The following PALM2AKAP2 variants were observed in gnomAD, a reference collection of about 807,000 sequenced individuals.
PALM2AKAP2 encodes PALM2-AKAP2 fusion protein.
In PALM2AKAP2, 37 loss-of-function variants were observed where a neutral mutation model predicts 71.5. That is an observed-to-expected ratio of 0.52 (90% CI 0.40 to 0.68). The LOEUF (loss-of-function observed/expected upper bound fraction) is 0.68. PALM2AKAP2 is among the 30% of genes least tolerant of loss of function. The probability of loss-of-function intolerance (pLI) is 0.00; values close to 1 mark genes in which losing one functional copy is unlikely to be tolerated. For synonymous variants in PALM2AKAP2, 468 were observed against 478.8 expected, an observed-to-expected ratio of 0.98 and a Z score of 0.29; for missense variants, 1,224 against 1,191.8, an observed-to-expected ratio of 1.03 and a Z score of -0.40.
chr9:109,964,805 T>C (rs896896516), intron 6 of PALM2AKAP2, among the ~76,000 whole-genome samples: 4 of 152,226 alleles, frequency 2.6e-5, no homozygotes, highest in Non-Finnish European at 5.9e-5. Context: ...TCTCAGGCCA[T>C]GGAGCTTCCC....
intron 3 of PALM2AKAP2, among the ~76,000 whole-genome samples, chr9:109,881,797 C>T (rs1019520701): frequency 6.6e-6 from 1 of 151,522 alleles, no homozygotes; most frequent in African/African-American, 2.4e-5. Context: ...CCAAATCTGT[C>T]CCTCCAACCC....
intron 1 of PALM2AKAP2, among the ~76,000 whole-genome samples, chr9:109,841,397 A>G (rs1263546607): frequency 2.0e-5 from 3 of 148,496 alleles, no homozygotes; most frequent in Non-Finnish European, 4.5e-5. Context: ...GGATAGCATT[A>G]GGAGATATAC....
intron 1 of PALM2AKAP2, among the ~76,000 whole-genome samples, chr9:109,800,034 C>T (rs570045503): frequency 1.5e-4 from 23 of 152,246 alleles, no homozygotes; most frequent in African/African-American, 5.1e-4. Flanking sequence ...CAGAGCCACT[C>T]GGATTCCCTA....
At chr9:109,722,665 G>A (rs571420974) in intron 1 of PALM2AKAP2, among the ~76,000 whole-genome samples, 3 of 152,206 alleles carry the variant, frequency 2.0e-5, no homozygotes, top group South Asian at 2.1e-4. Flanking sequence ...CCAGCTTTTC[G>A]TGAGGCTGAG....
At chr9:109,663,246 G>C (rs1827428560) in intron 1 of PALM2AKAP2, among the ~76,000 whole-genome samples, 1 of 151,778 alleles carries the variant, frequency 6.6e-6, no homozygotes, top group South Asian at 2.1e-4. Context: ...GAATGTGTTT[G>C]CTTGCTTCTC....
In PALM2AKAP2 at chr9:109,854,763, C is replaced by CTTTTTTTT. The variant is rs34401582; in HGVS notation, c.46-12708_46-12701dup. Among the ~76,000 whole-genome samples, 82 of 66,182 alleles carry CTTTTTTTT rather than the reference C, an allele frequency of 1.2e-3. 10 individuals carry two copies. The highest frequency in any genetic ancestry group is 4.0e-3 in the African/African-American group (64 of 16,174). 43.4% of individuals were successfully genotyped at this position (66,182 alleles called of 152,430 possible). A position where few individuals can be genotyped will look rare whatever the true frequency, so the allele number is the denominator to read the frequency against. ...GTAGTCAGTTTTTAAAAGAATGTAT[C>CTTTTTTTT]TTTTTTTTTTTTTTTTTTTTTTTTT... On this transcript the variant is annotated intron_variant, in intron 1 of 9. Transcript: ENST00000302798.
At chr9:109,783,777 AG>A (rs1826886074) in intron 1 of PALM2AKAP2, among the ~76,000 whole-genome samples, 1 of 152,220 alleles carries the variant, frequency 6.6e-6, no homozygotes, top group Non-Finnish European at 1.5e-5. Context: ...AACACTGAAA[AG>A]TTGGTGTCCC....
At position 110,014,804 on chromosome 9, in the gene PALM2AKAP2, ATGTAT is replaced by A. The variant is rs1387088924; in HGVS notation, c.497-1149_497-1145del. Among the ~76,000 whole-genome samples, 32 of 4,278 alleles carry A rather than the reference ATGTAT, an allele frequency of 7.5e-3. 3 individuals carry two copies. The highest frequency in any genetic ancestry group is 0.015 in the Non-Finnish European group (25 of 1,716). The allele number at this position is 4,278 out of a possible 152,430, so 2.8% of individuals were successfully genotyped here. ...CAAAAAAAAAAAAAAAAAAAAAAAAATGTATATATATATATATATATATATATATA... is the reference window on the plus strand; with the variant it reads ...CAAAAAAAAAAAAAAAAAAAAAAAAAATATATATATATATATATATATATA... On this transcript the variant is annotated intron_variant, in intron 6 of 9. Coordinates refer to the PALM2AKAP2 transcript ENST00000302798.
rs886378632 is a variant in PALM2AKAP2, at chr9:110,154,927, G to A, written c.2570-1392G>A. Among the ~76,000 whole-genome samples, 7 of 152,272 alleles carry A rather than the reference G, an allele frequency of 4.6e-5. No individual in the cohort carries two copies. The East Asian group carries it at 1.3e-3, about 29-fold the overall frequency. On this transcript the variant is annotated intron_variant, in intron 2 of 3. Coordinates refer to ENST00000374525, the Ensembl canonical transcript of PALM2AKAP2. ...CCAAAATTCCCATTTAACCGCTATG[G>A]CAGTTAAAGCTAGGAGAATTTAAGT...
chr9:110,089,901 G>A lies in PALM2AKAP2; in HGVS notation c.156+41046G>A, dbSNP rs550707657. On this transcript the variant is annotated intron_variant, in intron 1 of 3. Transcript: ENST00000374525. ...TGATGTTTACATTATAAGTCATCAT[G>A]ACTTTAAAAGATGAAAACTAAAACA... 4.6e-5 allele frequency among the ~76,000 whole-genome samples: 7 copies of A among 152,238 alleles called. 1 individual carries two copies. In the South Asian group the frequency reaches 1.4e-3, roughly 32 times the overall value.
At chr9:109,722,438 G>A (rs183911743) in intron 1 of PALM2AKAP2, among the ~76,000 whole-genome samples, 75 of 152,260 alleles carry the variant, frequency 4.9e-4, no homozygotes, top group African/African-American at 1.8e-3. Flanking sequence ...ATGCTATGGG[G>A]ACTTTTGATT....
chr9:109,985,446 C>T (rs1475030135), intron 6 of PALM2AKAP2, among the ~76,000 whole-genome samples: 2 of 151,436 alleles, frequency 1.3e-5, no homozygotes, highest in East Asian at 2.0e-4. Context: ...AGTGAAACCC[C>T]GTCTCTACTA....
At chr9:110,152,358 G>A (rs1289659091) in intron 2 of PALM2AKAP2, among the ~76,000 whole-genome samples, 2 of 152,196 alleles carry the variant, frequency 1.3e-5, no homozygotes, top group African/African-American at 4.8e-5. Context: ...CATTACAGGT[G>A]AATAAACCAA....
At chr9:109,886,935 T>G (rs10980110) in intron 3 of PALM2AKAP2, among the ~76,000 whole-genome samples, 33,397 of 152,148 alleles carry the variant, frequency 0.22, 4,608 homozygotes, top group Admixed American at 0.36. Context: ...ACATCAAATA[T>G]TCATTGAATA....
At chr9:109,652,054 C>A (rs1353037091) in intron 1 of PALM2AKAP2, among the ~76,000 whole-genome samples, 1 of 152,052 alleles carries the variant, frequency 6.6e-6, no homozygotes, top group Non-Finnish European at 1.5e-5. Flanking sequence ...TAAGTCTATA[C>A]CATCATGTGT....
chr9:109,860,604 C>T (rs1378722187), intron 1 of PALM2AKAP2, among the ~76,000 whole-genome samples: 1 of 152,204 alleles, frequency 6.6e-6, no homozygotes, highest in Non-Finnish European at 1.5e-5. Flanking sequence ...TCAAGATTCT[C>T]TTTTCCTGAT....
intron 1 of PALM2AKAP2, among the ~76,000 whole-genome samples, chr9:109,653,067 T>A (rs993133752): frequency 3.1e-4 from 47 of 152,126 alleles, no homozygotes; most frequent in African/African-American, 1.1e-3. Context: ...AATCCTGTAT[T>A]AAAACTAGTT....
At chr9:109,862,776 G>T in intron 1 of PALM2AKAP2, 1 of 450,726 alleles carries the variant, frequency 2.2e-6, no homozygotes. Context: ...AAAGCTTCAT[G>T]GATATTTAAA....
intron 1 of PALM2AKAP2, among the ~76,000 whole-genome samples, chr9:110,097,803 G>A (rs1246077362): frequency 7.1e-6 from 1 of 141,452 alleles, no homozygotes; most frequent in East Asian, 1.9e-4. Context: ...GGGAGGCCAA[G>A]GCAGGCTGCT....
Sources: allele counts gnomAD v4.1 joint callset (sites outside exome capture counted in the v4.1 genomes callset), GRCh38; gene constraint gnomAD v4.1.1; transcripts MANE v1.5; gene names NCBI Gene and HGNC (gene_info 2026-07-23, HGNC 2026-07-21).